F5: variants seen among roughly 807,000 people sequenced by gnomAD.
F5 encodes the protein coagulation factor V, also known as activated protein c cofactor.
F5 carries 138 observed loss-of-function variants against 216.4 expected under a neutral mutation model. That is an observed-to-expected ratio of 0.64 (90% CI 0.56 to 0.73). F5 has a LOEUF of 0.73. Ranked by LOEUF, F5 falls within the 30% of genes least tolerant of loss-of-function variation. The pLI is 0.00. For synonymous variants in F5, 916 were observed against 930.7 expected (o/e 0.98, Z 0.29); for missense variants, 2,403 against 2,674.0 (o/e 0.90, Z 2.24).
chr1:169,564,154 A>T (rs1434235380), intron 3 of F5, among the ~76,000 whole-genome samples: 1 of 152,066 alleles, frequency 6.6e-6, no homozygotes, highest in African/African-American at 2.4e-5. Context: ...TGATGGTAGG[A>T]ACATAAACGA....
intron 3 of F5, among the ~76,000 whole-genome samples, chr1:169,567,836 G>T (rs1168136034): frequency 6.6e-6 from 1 of 152,078 alleles, no homozygotes; most frequent in Non-Finnish European, 1.5e-5. Flanking sequence ...TGCCCTAATT[G>T]TGATAGGTTT....
chr1:169,556,520 T>C, intron 6 of F5, 126 bp downstream of exon 6: 1 of 846,794 alleles, frequency 1.2e-6, no homozygotes, highest in East Asian at 2.7e-5. Context: ...AGTTTGGTTG[T>C]TAGGAACTGA....
intron 11 of F5, among the ~76,000 whole-genome samples, chr1:169,545,646 A>C (rs1276371690): frequency 2.0e-5 from 3 of 152,164 alleles, no homozygotes; most frequent in Non-Finnish European, 4.4e-5. Flanking sequence ...TTTCTGTTTG[A>C]ATTATTTGAC....
In F5 at chr1:169,541,842, T is replaced by C. The variant is rs1659860447; in HGVS notation, c.3248A>G (p.Asn1083Ser). ...SNETSLPTDL[N>S]QTLPSMDFGW... ...AAAATCCATAGAGGGCAATGTCTGA[T>C]TGAGGTCTGTGGGAAGAGATGTTTC... is the stretch of plus-strand genomic sequence containing the variant. Residue 1083 changes from asparagine (N) to serine (S), a missense_variant, in exon 13 of 25, where the codon AAT (asparagine) becomes AGT (serine). Physicochemically the swap from Asn to Ser is conservative, Grantham distance 46. Coordinates refer to ENST00000367797, the MANE Select transcript of F5 (RefSeq NM_000130.5). 3 of 1,614,110 alleles carry C rather than the reference T, an allele frequency of 1.9e-6. No homozygotes were observed. Among genetic ancestry groups the C allele is most frequent in the African/African-American group, 1.3e-5 (1 of 75,050 alleles).
chr1:169,522,482 A>G (rs1383094761), intron 21 of F5, among the ~76,000 whole-genome samples: 4 of 152,348 alleles, frequency 2.6e-5, no homozygotes, highest in South Asian at 4.1e-4. Flanking sequence ...AGTAAGAACC[A>G]TAATTTAGGA....
chr1:169,518,964 T>G (rs1311905891), intron 22 of F5, among the ~76,000 whole-genome samples: 1 of 152,214 alleles, frequency 6.6e-6, no homozygotes, highest in Non-Finnish European at 1.5e-5. Flanking sequence ...ATAAAAATAC[T>G]CTGTTTCTTC....
chr1:169,531,897 T>A (rs998683071), intron 14 of F5, among the ~76,000 whole-genome samples: 15 of 151,980 alleles, frequency 9.9e-5, no homozygotes, highest in African/African-American at 3.6e-4. Context: ...ACACAATGAA[T>A]AATGAAAACT....
intron 2 of F5, among the ~76,000 whole-genome samples, chr1:169,579,086 C>A (rs1660930958): frequency 6.7e-6 from 1 of 148,246 alleles, no homozygotes; most frequent in African/African-American, 2.5e-5. Flanking sequence ...CCATCTGGAA[C>A]CAAGTTTCAG....
intron 3 of F5, among the ~76,000 whole-genome samples, chr1:169,563,637 G>A (rs551075421): frequency 6.6e-6 from 1 of 152,062 alleles, no homozygotes; most frequent in Non-Finnish European, 1.5e-5. Flanking sequence ...GTATCCTTCA[G>A]TTTATAATAT....
chr1:169,525,266 G>C (rs771322321), intron 18 of F5, among the ~76,000 whole-genome samples: 5 of 152,128 alleles, frequency 3.3e-5, no homozygotes, highest in Non-Finnish European at 7.4e-5. Context: ...GGAGGCCGAG[G>C]GGGGAGGATT....
chr1:169,546,363 A>G, intron 11 of F5, 79 bp downstream of exon 11: 2 of 1,556,926 alleles, frequency 1.3e-6, no homozygotes, highest in Non-Finnish European at 1.8e-6. Context: ...ATTTTAATCC[A>G]TGTCTCTGAC....
At chr1:169,550,466 A>T (rs1660142797) in intron 9 of F5, among the ~76,000 whole-genome samples, 174 bp downstream of exon 9, 1 of 152,034 alleles carries the variant, frequency 6.6e-6, no homozygotes, top group Non-Finnish European at 1.5e-5. Context: ...TTTTGTTACC[A>T]CTAAGAGACA....
At chr1:169,562,418 A>G (rs1038406396) in intron 3 of F5, among the ~76,000 whole-genome samples, 2 of 151,330 alleles carry the variant, frequency 1.3e-5, no homozygotes, top group Non-Finnish European at 3.0e-5. Flanking sequence ...TTGCTTTTTT[A>G]TTCAATCTTA....
At position 169,538,944 on chromosome 1, in the gene F5, G is replaced by A. The variant is rs191000486; in HGVS notation, c.4796+1350C>T. 1.8e-3 allele frequency among the ~76,000 whole-genome samples: 271 copies of A among 152,182 alleles called. 1 individual carries two copies. The highest frequency in any genetic ancestry group is 6.2e-3 in the African/African-American group (257 of 41,506). On this transcript the variant is annotated intron_variant, in intron 13 of 24. Coordinates refer to ENST00000367797, the MANE Select transcript of F5 (RefSeq NM_000130.5). Reference sequence around the variant, plus strand: ...CAAAATGTTACCCCTGGGAGAAACTGGGTAAAGAATACTCAGGATACCCAA... The same window carrying A: ...CAAAATGTTACCCCTGGGAGAAACTAGGTAAAGAATACTCAGGATACCCAA...
chr1:169,523,385 T>C, intron 20 of F5, 33 bp from the exon 21 acceptor site: 1 of 1,613,320 alleles, frequency 6.2e-7, no homozygotes, highest in Non-Finnish European at 8.5e-7. Context: ...AACAGAACTG[T>C]CCTTGTCAAC....
Position 169,540,824 on chromosome 1 carries a change from TG to T in F5, c.4265del (p.Pro1422GlnfsTer15). ...SPDLGETDLSPNFGQMSLSPD... is the reference protein window; with the variant it reads ...SPDLGETDLSXNFGQMSLSPD... ...GGGAAAGGGACATCTGACCAAAGTT[TG>T]GGGAAAGATCTGTCTCACCAAGGTC... is the stretch of plus-strand genomic sequence containing the variant. On this transcript the variant is annotated frameshift_variant, in exon 13 of 25. Coordinates refer to ENST00000367797, the MANE Select transcript of F5 (RefSeq NM_000130.5). LOFTEE classifies it high-confidence loss of function. 1 of 1,613,684 alleles carries T rather than the reference TG, an allele frequency of 6.2e-7. No individual in the cohort carries two copies. The highest frequency in any genetic ancestry group is 8.5e-7 in the Non-Finnish European group (1 of 1,179,896).
At position 169,541,862 on chromosome 1, in the gene F5, TG is replaced by T; in HGVS notation, c.3227del (p.Thr1076AsnfsTer19). 1 of 1,614,102 alleles carries T rather than the reference TG, an allele frequency of 6.2e-7. No homozygotes were observed. Among genetic ancestry groups the T allele is most frequent in the Non-Finnish European group, 8.5e-7 (1 of 1,179,986 alleles). ...HSLVLHKSNE[T>X]SLPTDLNQTL... ...TCTGATTGAGGTCTGTGGGAAGAGA[TG>T]TTTCATTGGATTTATGAAGCACCAA... On this transcript the variant is annotated frameshift_variant, in exon 13 of 25. Transcript: ENST00000367797. LOFTEE classifies it high-confidence loss of function.
At chr1:169,584,789 G>A (rs1435028509) in intron 1 of F5, among the ~76,000 whole-genome samples, 3 of 152,180 alleles carry the variant, frequency 2.0e-5, no homozygotes, top group Non-Finnish European at 4.4e-5. Context: ...GTTTGTCTGG[G>A]TTGTGTTTCT....
At chr1:169,552,810 T>A in intron 7 of F5, 76 bp from the exon 8 acceptor site, 1 of 1,108,378 alleles carries the variant, frequency 9.0e-7, no homozygotes, top group Non-Finnish European at 1.4e-6. Flanking sequence ...CCCTTGTGCT[T>A]AAACATTCTG....
Sources: allele counts gnomAD v4.1 joint callset (sites outside exome capture counted in the v4.1 genomes callset), GRCh38; gene constraint gnomAD v4.1.1; transcripts MANE v1.5; gene names NCBI Gene and HGNC (gene_info 2026-07-23, HGNC 2026-07-21).